Variants in PXDNL observed in about 807,000 individuals in gnomAD.
PXDNL encodes peroxidasin like, also known as probable oxidoreductase PXDNL.
In PXDNL, 145 loss-of-function variants were observed where a neutral mutation model predicts 150.8. The observed-to-expected ratio is 0.96, with a 90% CI of 0.84 to 1.10. PXDNL has a LOEUF of 1.10. PXDNL is among the 50% of genes least tolerant of loss of function. The probability of loss-of-function intolerance (pLI) is 0.00; values close to 1 mark genes in which losing one functional copy is unlikely to be tolerated. For synonymous variants in PXDNL, 757 were observed against 725.7 expected (o/e 1.04, Z -0.69); for missense variants, 2,087 against 1,873.9 (o/e 1.11, Z -2.10).
Position 51,607,854 on chromosome 8 carries a change from GAGGAAGGAAGGAAGGAAGGA to G in PXDNL, c.237-15176_237-15157del, listed in dbSNP as rs143544585. 1.1e-3 allele frequency among the ~76,000 whole-genome samples: 81 copies of G among 72,602 alleles called. 2 individuals are homozygous for G. The highest frequency in any genetic ancestry group is 2.1e-3 in the African/African-American group (31 of 14,824). The allele number at this position is 72,602 out of a possible 152,430, so 47.6% of individuals were successfully genotyped here. A position where few individuals can be genotyped will look rare whatever the true frequency, so the allele number is the denominator to read the frequency against. On this transcript the variant is annotated intron_variant, in intron 2 of 22. Coordinates refer to ENST00000356297, the MANE Select transcript of PXDNL (RefSeq NM_144651.5). Reference sequence around the variant, plus strand: ...GACTCCATCTCAAAAAAAAGGAAGAGAGGAAGGAAGGAAGGAAGGAAGGAAGGAAGGAAGGAAGGAAGGTG... The same window carrying G: ...GACTCCATCTCAAAAAAAAGGAAGAGAGGAAGGAAGGAAGGAAGGAAGGTG...
chr8:51,406,431 G>A (rs1317930265), intron 17 of PXDNL, among the ~76,000 whole-genome samples: 1 of 152,160 alleles, frequency 6.6e-6, no homozygotes, highest in African/African-American at 2.4e-5. Flanking sequence ...CAGTTACCAT[G>A]TCAGGGAAGA....
chr8:51,549,966 C>A (rs1812445736), intron 4 of PXDNL, among the ~76,000 whole-genome samples: 1 of 151,954 alleles, frequency 6.6e-6, no homozygotes, highest in East Asian at 1.9e-4. Flanking sequence ...GGGAGAAGAT[C>A]CAAATAAGCT....
chr8:51,648,033 C>T (rs986082293), intron 2 of PXDNL, among the ~76,000 whole-genome samples: 1 of 152,086 alleles, frequency 6.6e-6, no homozygotes, highest in African/African-American at 2.4e-5. Flanking sequence ...TCCAAAGTCA[C>T]ATAAAGGATA....
chr8:51,682,523 G>A (rs927861144), intron 1 of PXDNL, among the ~76,000 whole-genome samples: 1 of 152,152 alleles, frequency 6.6e-6, no homozygotes, highest in African/African-American at 2.4e-5. Flanking sequence ...TTCACACACA[G>A]CTCTGTCCTT....
At chr8:51,448,452 C>T (rs1193555681) in intron 11 of PXDNL, among the ~76,000 whole-genome samples, 1 of 152,218 alleles carries the variant, frequency 6.6e-6, no homozygotes, top group Admixed American at 6.5e-5. Context: ...CTCCTGCAAT[C>T]CCAGAACTTT....
chr8:51,372,008 C>T lies in PXDNL; in HGVS notation c.3766G>A (p.Val1256Met). Residue 1256 changes from valine to methionine, a missense_variant, in exon 19 of 23, where the codon GTG becomes ATG. By Grantham distance (21) the Val-to-Met change is conservative. Coordinates refer to ENST00000356297, the MANE Select transcript of PXDNL (RefSeq NM_144651.5). The stretch of plus-strand genomic sequence containing the variant: ...ATGCTGTCACCATTGTCACAAAGCA[C>T]CCGGCTCAGGGACGCCTGCTTCAGC... The part of the protein sequence containing the change: ...TQLKQASLSR[V>M]LCDNGDSIQQ... 1 of 1,613,078 alleles carries T rather than the reference C, an allele frequency of 6.2e-7. No individual in the cohort carries two copies. The highest frequency in any genetic ancestry group is 1.3e-5 in the African/African-American group (1 of 75,008).
At chr8:51,589,078 C>G (rs946869274) in intron 3 of PXDNL, among the ~76,000 whole-genome samples, 5 of 151,904 alleles carry the variant, frequency 3.3e-5, no homozygotes, top group Non-Finnish European at 7.4e-5. Context: ...ACGTTTGGCC[C>G]TTTTTCTCTC....
Position 51,372,084 on chromosome 8 carries a change from G to C in PXDNL, c.3693-3C>G. The stretch of plus-strand genomic sequence containing the variant: ...CTCCAGGGTTTTCATACCAGAACCT[G>C]GTAGTCAACCAAAAAAAAAACATTG... On this transcript the variant is annotated splice_polypyrimidine_tract_variant and splice_region_variant and intron_variant, in intron 18 of 22. Transcript: ENST00000356297. 6.5e-7 allele frequency: 1 copy of C among 1,533,262 alleles called. No homozygotes were observed. Among genetic ancestry groups the C allele is most frequent in the Non-Finnish European group, 8.8e-7 (1 of 1,135,694 alleles). 95.0% of individuals were successfully genotyped at this position (1,533,262 alleles called of 1,614,324 possible).
intron 2 of PXDNL, among the ~76,000 whole-genome samples, chr8:51,648,651 T>C (rs1021261272): frequency 2.6e-5 from 4 of 152,212 alleles, no homozygotes; most frequent in African/African-American, 9.6e-5. Context: ...AGAAAATTAA[T>C]ATAACTTCTT....
chr8:51,354,374 G>T (rs541658496), intron 19 of PXDNL, among the ~76,000 whole-genome samples: 3 of 152,058 alleles, frequency 2.0e-5, no homozygotes, highest in African/African-American at 7.2e-5. Flanking sequence ...TAAGTAGATT[G>T]GTAACAAGGA....
chr8:51,481,418 T>A (rs1810601237), intron 6 of PXDNL, among the ~76,000 whole-genome samples: 2 of 152,188 alleles, frequency 1.3e-5, no homozygotes, highest in Non-Finnish European at 2.9e-5. Context: ...ATAAAAATTT[T>A]GGAAATTTGC....
Position 51,744,075 on chromosome 8 carries a change from AAGGAAGGAAG to A in PXDNL, c.164+65096_164+65105del, listed in dbSNP as rs1563307158. On this transcript the variant is annotated intron_variant, in intron 1 of 22. Coordinates refer to ENST00000356297, the MANE Select transcript of PXDNL (RefSeq NM_144651.5). Reference sequence around the variant, plus strand: ...GAAGGAAGGAAGGAAGGAAGGAAGGAAGGAAGGAAGGAAGGAAGGAAAGAAAGAAAGAAAG... The same window carrying A: ...GAAGGAAGGAAGGAAGGAAGGAAGGAGAAGGAAGGAAAGAAAGAAAGAAAG... Among the ~76,000 whole-genome samples the A allele has an allele frequency of 3.9e-3, 329 of 83,976 alleles. 8 individuals carry two copies. Among genetic ancestry groups the A allele is most frequent in the African/African-American group, 0.01 (189 of 18,630 alleles). 55.1% of individuals were successfully genotyped at this position (83,976 alleles called of 152,430 possible).
intron 2 of PXDNL, among the ~76,000 whole-genome samples, chr8:51,604,041 G>A (rs1813785873): frequency 1.3e-5 from 2 of 151,950 alleles, no homozygotes; most frequent in African/African-American, 4.8e-5. Flanking sequence ...ATTGCTTTAA[G>A]AAACCTTCCT....
At chr8:51,767,664 T>C (rs74993090) in intron 1 of PXDNL, among the ~76,000 whole-genome samples, 4,124 of 152,330 alleles carry the variant, frequency 0.027, 200 homozygotes, top group African/African-American at 0.093. Flanking sequence ...TTCAAATCTT[T>C]ACTGCATATT....
intron 21 of PXDNL, among the ~76,000 whole-genome samples, chr8:51,326,412 C>A (rs112150458): frequency 4.6e-5 from 7 of 152,246 alleles, no homozygotes; most frequent in African/African-American, 1.4e-4. Context: ...GCACAAGAAT[C>A]GCTTGAACCT....
intron 2 of PXDNL, among the ~76,000 whole-genome samples, chr8:51,639,530 G>C (rs189171997): frequency 6.6e-6 from 1 of 152,088 alleles, no homozygotes; most frequent in African/African-American, 2.4e-5. Flanking sequence ...TATCACCACC[G>C]ATCCCACAGA....
chr8:51,693,029 G>A (rs1816033388), intron 1 of PXDNL, among the ~76,000 whole-genome samples: 1 of 152,154 alleles, frequency 6.6e-6, no homozygotes, highest in Non-Finnish European at 1.5e-5. Flanking sequence ...TTATTTTCAG[G>A]CAGATCCTCC....
intron 12 of PXDNL, among the ~76,000 whole-genome samples, chr8:51,444,812 G>A (rs778951621): frequency 2.6e-5 from 4 of 152,050 alleles, no homozygotes; most frequent in African/African-American, 7.2e-5. Flanking sequence ...ATCTCATAAC[G>A]TGTCACTTGG....
At chr8:51,809,057 A>C in intron 1 of PXDNL, 124 bp downstream of exon 1, 1 of 971,084 alleles carries the variant, frequency 1.0e-6, no homozygotes, top group South Asian at 1.6e-5. Context: ...AAAAGTGAAA[A>C]GCCTCTTCTA....
Sources: gnomAD v4.1 joint callset for allele counts (sites outside exome capture counted in the v4.1 genomes callset) on GRCh38, gnomAD v4.1.1 for gene constraint, MANE v1.5 for transcripts, NCBI Gene and HGNC (gene_info 2026-07-23, HGNC 2026-07-21) for gene names.